Variants in EYS observed in about 807,000 individuals in gnomAD.
The protein encoded by EYS is EGF-like photoreceptor maintenance factor, also known as protein eyes shut homolog.
In EYS, 250 loss-of-function variants were observed where a neutral mutation model predicts 282.1. That is an observed-to-expected ratio of 0.89 (90% confidence interval 0.80 to 0.98). The LOEUF is 0.98. Among genes scored for constraint, EYS ranks in the 50% least tolerant of loss-of-function variants. The probability of loss-of-function intolerance (pLI) is 0.00; values close to 1 mark genes in which losing one functional copy is unlikely to be tolerated. For missense variants in EYS, 4,016 were observed against 3,709.0 expected, an observed-to-expected ratio of 1.08 and a Z score of -2.15; for synonymous variants, 1,355 against 1,282.9, an observed-to-expected ratio of 1.06 and a Z score of -1.20.
chr6:65,467,381 A>T (rs542331561), intron 5 of EYS, among the ~76,000 whole-genome samples: 1 of 152,124 alleles, frequency 6.6e-6, no homozygotes, highest in Non-Finnish European at 1.5e-5. Context: ...AAGGTTGCAG[A>T]ATACAAGATT....
intron 26 of EYS, among the ~76,000 whole-genome samples, chr6:64,455,441 A>ATTATT (rs1036164058): frequency 7.2e-6 from 1 of 138,034 alleles, no homozygotes; most frequent in African/African-American, 2.6e-5. Flanking sequence ...TTTTATTATT[A>ATTATT]TTATTTTATT....
intron 30 of EYS, among the ~76,000 whole-genome samples, chr6:64,288,693 A>C (rs1768588264): frequency 6.6e-6 from 1 of 152,088 alleles, no homozygotes; most frequent in South Asian, 2.1e-4. Flanking sequence ...AAATAAAGTA[A>C]GTAGTAGCAC....
chr6:65,381,460 C>T (rs1195359567), intron 8 of EYS, among the ~76,000 whole-genome samples: 1 of 151,908 alleles, frequency 6.6e-6, no homozygotes, highest in Admixed American at 6.6e-5. Flanking sequence ...ACACCGAGGC[C>T]TGTCGGGCAG....
chr6:65,529,496 C>T (rs1767683732), intron 2 of EYS, among the ~76,000 whole-genome samples: 2 of 152,138 alleles, frequency 1.3e-5, no homozygotes, highest in African/African-American at 2.4e-5. Flanking sequence ...ACACAGGACA[C>T]CAGAGGAAGT....
intron 33 of EYS, among the ~76,000 whole-genome samples, chr6:64,000,911 G>A (rs1217452384): frequency 6.6e-6 from 1 of 152,084 alleles, no homozygotes; most frequent in Non-Finnish European, 1.5e-5. Flanking sequence ...ACTTTGGGAG[G>A]CCACCCTTAG....
chr6:64,753,046 A>C (rs1772815047), intron 22 of EYS, among the ~76,000 whole-genome samples: 1 of 152,170 alleles, frequency 6.6e-6, no homozygotes, highest in Non-Finnish European at 1.5e-5. Context: ...AGCCAAACAA[A>C]TGCTAAGGAA....
At chr6:64,588,394 G>A (rs1482461373) in intron 26 of EYS, among the ~76,000 whole-genome samples, 1 of 152,006 alleles carries the variant, frequency 6.6e-6, no homozygotes, top group East Asian at 1.9e-4. Context: ...CAATTCAAAG[G>A]ACTGGCTTTA....
At chr6:64,689,704 C>T (rs1026626805) in intron 22 of EYS, among the ~76,000 whole-genome samples, 1 of 152,122 alleles carries the variant, frequency 6.6e-6, no homozygotes, top group Non-Finnish European at 1.5e-5. Flanking sequence ...TTTGACAAAC[C>T]TGACAAAAAC....
chr6:64,153,928 G>A (rs746632646), intron 31 of EYS, among the ~76,000 whole-genome samples: 4 of 152,090 alleles, frequency 2.6e-5, no homozygotes, highest in Admixed American at 1.3e-4. Context: ...AACAAGAGCT[G>A]CAAGACTCAA....
At chr6:65,541,757 C>A (rs2127321658) in intron 2 of EYS, among the ~76,000 whole-genome samples, 1 of 151,884 alleles carries the variant, frequency 6.6e-6, no homozygotes, top group Admixed American at 6.6e-5. Flanking sequence ...GTATGCTGCC[C>A]AACAATACTG....
intron 13 of EYS, among the ~76,000 whole-genome samples, chr6:65,022,673 T>C (rs1208554740): frequency 6.7e-6 from 1 of 149,204 alleles, no homozygotes; most frequent in East Asian, 1.9e-4. Context: ...TATATAAAAC[T>C]AAATATATTA....
At chr6:64,859,895 T>A (rs1166501430) in intron 19 of EYS, among the ~76,000 whole-genome samples, 1 of 152,212 alleles carries the variant, frequency 6.6e-6, no homozygotes, top group Non-Finnish European at 1.5e-5. Flanking sequence ...CCTATAAAAA[T>A]TTCAGCTTTC....
chr6:64,939,080 A>T (rs569017655), intron 15 of EYS, among the ~76,000 whole-genome samples: 24 of 151,972 alleles, frequency 1.6e-4, no homozygotes, highest in African/African-American at 5.5e-4. Flanking sequence ...TATGCAACAT[A>T]TGGAATACAT....
chr6:64,043,034 C>T (rs370938921), intron 33 of EYS, among the ~76,000 whole-genome samples: 4 of 151,874 alleles, frequency 2.6e-5, no homozygotes, highest in South Asian at 2.1e-4. Flanking sequence ...AAAAAGGAGA[C>T]GATAGTAGTA....
intron 22 of EYS, among the ~76,000 whole-genome samples, chr6:64,702,196 A>T (rs1770816142): frequency 6.6e-6 from 1 of 152,068 alleles, no homozygotes; most frequent in South Asian, 2.1e-4. Flanking sequence ...TGAAAGAAAC[A>T]CTTCTCTAGA....
intron 2 of EYS, among the ~76,000 whole-genome samples, chr6:65,520,830 T>A (rs894376411): frequency 2.0e-5 from 3 of 152,122 alleles, no homozygotes; most frequent in Admixed American, 6.5e-5. Flanking sequence ...ACATAAATCA[T>A]GGATTTTACA....
At chr6:64,499,612 A>G (rs562762620) in intron 26 of EYS, among the ~76,000 whole-genome samples, 1 of 152,126 alleles carries the variant, frequency 6.6e-6, no homozygotes, top group East Asian at 1.9e-4. Context: ...TGATCTGCTC[A>G]TATCCTACCT....
intron 12 of EYS, among the ~76,000 whole-genome samples, chr6:65,226,137 ATC>A (rs1364181224): frequency 6.6e-6 from 1 of 152,142 alleles, no homozygotes; most frequent in Non-Finnish European, 1.5e-5. Flanking sequence ...TAGTAAAAAA[ATC>A]TATTAGCATT....
chr6:64,089,622 C>A (rs1396220482), intron 31 of EYS, among the ~76,000 whole-genome samples: 2 of 151,772 alleles, frequency 1.3e-5, no homozygotes, highest in East Asian at 3.9e-4. Context: ...GTTTCATAGA[C>A]TAAATTATTA....
Sources: allele counts gnomAD v4.1 joint callset (sites outside exome capture counted in the v4.1 genomes callset), GRCh38; gene constraint gnomAD v4.1.1; transcripts MANE v1.5; gene names NCBI Gene and HGNC (gene_info 2026-07-23, HGNC 2026-07-21).